Variants in FGGY observed in about 807,000 individuals in gnomAD.
FGGY encodes the protein FGGY carbohydrate kinase domain-containing protein.
A neutral mutation model predicts 71.3 loss-of-function variants in FGGY; 72 were observed. The ratio of observed to expected loss-of-function variants is 1.01; its 90% CI spans 0.84 to 1.23. The LOEUF is 1.23. FGGY is among the 50% of genes most tolerant of loss of function. The pLI, the probability that FGGY is intolerant of heterozygous loss-of-function variation, is 0.00. For missense variants in FGGY, 668 were observed against 682.3 expected, an observed-to-expected ratio of 0.98 and a Z score of 0.23; for synonymous variants, 251 against 250.3, an observed-to-expected ratio of 1.00 and a Z score of -0.02.
intron 5 of FGGY, among the ~76,000 whole-genome samples, chr1:59,454,729 T>C (rs2091515515): frequency 6.6e-6 from 1 of 152,186 alleles, no homozygotes; most frequent in African/African-American, 2.4e-5. Flanking sequence ...TGGCTGTTTG[T>C]TAGTATATGA....
chr1:59,550,808 A>G lies in FGGY; in HGVS notation c.800-3316A>G, dbSNP rs183382169. On this transcript the variant is annotated intron_variant, in intron 7 of 15. Transcript: ENST00000303721. ...ATTATAACATCATAAAGTGAGGAGT[A>G]TAGAAAGAACATAAGCTTTGGAGTC... Among the ~76,000 whole-genome samples the G allele has an allele frequency of 2.7e-3, 409 of 152,332 alleles. 5 individuals carry two copies. Among genetic ancestry groups the G allele is most frequent in the African/African-American group, 9.4e-3 (392 of 41,578 alleles).
intron 8 of FGGY, among the ~76,000 whole-genome samples, chr1:59,575,577 T>G (rs370805918): frequency 6.6e-6 from 1 of 152,174 alleles, no homozygotes; most frequent in African/African-American, 2.4e-5. Flanking sequence ...TGCAGACATC[T>G]CTTCAACATA....
chr1:59,751,980 G>A (rs2098249241), intron 14 of FGGY, among the ~76,000 whole-genome samples: 1 of 152,166 alleles, frequency 6.6e-6, no homozygotes, highest in Non-Finnish European at 1.5e-5. Context: ...GACATATAAG[G>A]GAGTGCCATA....
At chr1:59,624,627 C>G (rs1317822713) in intron 9 of FGGY, among the ~76,000 whole-genome samples, 4 of 152,030 alleles carry the variant, frequency 2.6e-5, no homozygotes, top group Admixed American at 1.3e-4. Context: ...GGGGAGGCGT[C>G]ACAATCATAG....
intron 11 of FGGY, among the ~76,000 whole-genome samples, chr1:59,642,393 G>A (rs1290518280): frequency 6.6e-6 from 1 of 152,138 alleles, no homozygotes. Flanking sequence ...TTGGGAGGCC[G>A]AGCCAGTTGG....
intron 5 of FGGY, among the ~76,000 whole-genome samples, chr1:59,398,364 G>A (rs555426763): frequency 6.6e-6 from 1 of 152,026 alleles, no homozygotes; most frequent in South Asian, 2.1e-4. Flanking sequence ...TCAGTCTCCT[G>A]AGTAGCTGGG....
At position 59,517,476 on chromosome 1, in the gene FGGY, G is replaced by A. The variant is rs1386806945; in HGVS notation, c.799+5037G>A. Among the ~76,000 whole-genome samples the A allele has an allele frequency of 2.0e-5, 3 of 151,618 alleles. No individual in the cohort carries two copies. In the East Asian group the frequency reaches 5.8e-4, roughly 30 times the overall value. On this transcript the variant is annotated intron_variant, in intron 7 of 15. Transcript: ENST00000303721. ...GAGACGGGGTTTCACCGTTTTAGCCGGGATGGTCTCGATCTCCTGACCTCG... is the reference window on the plus strand; with the variant it reads ...GAGACGGGGTTTCACCGTTTTAGCCAGGATGGTCTCGATCTCCTGACCTCG...
chr1:59,613,363 A>G (rs530435099), intron 9 of FGGY, among the ~76,000 whole-genome samples: 14 of 152,240 alleles, frequency 9.2e-5, no homozygotes, highest in Non-Finnish European at 1.9e-4. Flanking sequence ...CCACTCAACT[A>G]CATGGAAACT....
At chr1:59,587,270 TTAGG>T (rs2096316206) in intron 8 of FGGY, among the ~76,000 whole-genome samples, 1 of 152,020 alleles carries the variant, frequency 6.6e-6, no homozygotes, top group East Asian at 1.9e-4. Context: ...CCAGGCTTGC[TTAGG>T]TAAGCAAAGC....
At chr1:59,345,839 T>G (rs1436568074) in intron 3 of FGGY, among the ~76,000 whole-genome samples, 19 of 152,184 alleles carry the variant, frequency 1.2e-4, no homozygotes. Context: ...TATTTATCCA[T>G]ATTTAAAGGA....
At chr1:59,428,274 A>G (rs1572034611) in intron 5 of FGGY, among the ~76,000 whole-genome samples, 1 of 142,056 alleles carries the variant, frequency 7.0e-6, no homozygotes, top group African/African-American at 2.7e-5. Context: ...TACCATATGT[A>G]TATTATATCA....
rs997467746 is a variant in FGGY at position 59,515,273 on chromosome 1, T to G, written c.799+2834T>G. On this transcript the variant is annotated intron_variant, in intron 7 of 15. Transcript: ENST00000303721. ...GCCTGGGCCCTGAAACTCCTTTGTT[T>G]TGGCCAATTTCTCCTGGAATGGCTG... Among the ~76,000 whole-genome samples the G allele has an allele frequency of 2.6e-5, 4 of 152,296 alleles. No homozygotes were observed. The South Asian group carries it at 6.2e-4, about 24-fold the overall frequency.
chr1:59,560,331 A>G (rs966653739), intron 8 of FGGY, among the ~76,000 whole-genome samples: 2 of 152,208 alleles, frequency 1.3e-5, no homozygotes, highest in African/African-American at 4.8e-5. Flanking sequence ...ATCACAGCCA[A>G]GAGGAACCTA....
chr1:59,388,762 TATTA>T (rs1158264170), intron 5 of FGGY, among the ~76,000 whole-genome samples: 2 of 152,182 alleles, frequency 1.3e-5, no homozygotes, highest in African/African-American at 2.4e-5. Flanking sequence ...TACTTATTTT[TATTA>T]ATTTTAATAA....
intron 8 of FGGY, among the ~76,000 whole-genome samples, chr1:59,559,971 C>A (rs1265583202): frequency 6.6e-6 from 1 of 152,176 alleles, no homozygotes; most frequent in African/African-American, 2.4e-5. Flanking sequence ...TGGAGCATAA[C>A]TTTCCACTCC....
At chr1:59,340,113 C>A in intron 3 of FGGY, 44 bp downstream of exon 3, 1 of 1,397,928 alleles carries the variant, frequency 7.2e-7, no homozygotes, top group Non-Finnish European at 1.0e-6. Context: ...GGATACTTGG[C>A]TGATTAATCC....
At chr1:59,742,247 T>C (rs1002625645) in intron 14 of FGGY, among the ~76,000 whole-genome samples, 1 of 152,202 alleles carries the variant, frequency 6.6e-6, no homozygotes, top group Admixed American at 6.5e-5. Context: ...AGGCAGATCT[T>C]CCTTCCGCTA....
intron 4 of FGGY, among the ~76,000 whole-genome samples, chr1:59,351,488 G>A (rs375927664): frequency 3.9e-5 from 6 of 152,100 alleles, no homozygotes; most frequent in African/African-American, 1.4e-4. Context: ...GTCAATTTTT[G>A]TGGTGATTTA....
In FGGY at chr1:59,306,497, A is replaced by C. The variant is rs148487417; in HGVS notation, c.-15+9347A>C. On this transcript the variant is annotated intron_variant, in intron 1 of 15. Transcript: ENST00000303721. ...AGGGGTGAGGGAAGGACTGGTTACC[A>C]GAACCCAAAAGGAGAAATCGTGTGG... Among the ~76,000 whole-genome samples the C allele has an allele frequency of 2.9e-3, 447 of 152,386 alleles. 6 individuals are homozygous for C. Among genetic ancestry groups the C allele is most frequent in the African/African-American group, 0.01 (432 of 41,596 alleles).
Sources: allele counts gnomAD v4.1 joint callset (sites outside exome capture counted in the v4.1 genomes callset), GRCh38; gene constraint gnomAD v4.1.1; transcripts MANE v1.5; gene names NCBI Gene and HGNC (gene_info 2026-07-23, HGNC 2026-07-21).